SEC14L1: variants seen among roughly 807,000 people sequenced by gnomAD.
SEC14L1 encodes the protein SEC14-like protein 1.
A neutral mutation model predicts 85.3 loss-of-function variants in SEC14L1; 48 were observed. The observed-to-expected ratio is 0.56, with a 90% confidence interval of 0.45 to 0.72. SEC14L1 has a LOEUF of 0.72. SEC14L1 is among the 30% of genes least tolerant of loss of function. The probability of loss-of-function intolerance (pLI) is 0.00; values close to 1 mark genes in which losing one functional copy is unlikely to be tolerated. For synonymous variants in SEC14L1, 391 were observed against 355.5 expected, an observed-to-expected ratio of 1.10 and a Z score of -1.12; for missense variants, 682 against 921.4, an observed-to-expected ratio of 0.74 and a Z score of 3.36.
intron 3 of SEC14L1, 172 bp downstream of exon 3, chr17:77,143,831 C>A: frequency 2.2e-6 from 1 of 448,266 alleles, no homozygotes; most frequent in Non-Finnish European, 3.9e-6. Flanking sequence ...AAAATACAAG[C>A]CTCTGAAAAT....
chr17:77,133,974 C>T (rs980883493), intron 3 of SEC14L1, among the ~76,000 whole-genome samples: 2 of 146,634 alleles, frequency 1.4e-5, no homozygotes, highest in African/African-American at 2.5e-5. Context: ...AAGCGAGGGG[C>T]ACAGTCACGG....
chr17:77,118,679 T>G lies in SEC14L1; in HGVS notation c.-135-23967T>G, dbSNP rs145303814. Among the ~76,000 whole-genome samples the G allele has an allele frequency of 2.4e-3, 370 of 152,352 alleles. 2 individuals carry two copies. The highest frequency in any genetic ancestry group is 3.6e-3 in the Non-Finnish European group (244 of 68,032). ...GATCATGCTTTTTCTAAGTCAAGGTTATAATTATGCATTTCGACAGCCTCC... is the reference window on the plus strand; with the variant it reads ...GATCATGCTTTTTCTAAGTCAAGGTGATAATTATGCATTTCGACAGCCTCC... On this transcript the variant is annotated intron_variant, in intron 3 of 19. Coordinates refer to the SEC14L1 transcript ENST00000392476.
In SEC14L1 at chr17:77,214,119, T is replaced by A. The variant is rs1976920422; in HGVS notation, c.*96T>A. 1 of 1,511,754 alleles carries A rather than the reference T, an allele frequency of 6.6e-7. No homozygotes were observed. The highest frequency in any genetic ancestry group is 2.2e-5 in the Admixed American group (1 of 44,814). The allele number at this position is 1,511,754 out of a possible 1,614,324, so 93.6% of individuals were successfully genotyped here. A position where few individuals can be genotyped will look rare whatever the true frequency, so the allele number is the denominator to read the frequency against. Reference sequence around the variant, plus strand: ...CACCCAGCGGCGACATTGTACAGACTCCTCTCACCTCTAGATAGCAAATAG... The same window carrying A: ...CACCCAGCGGCGACATTGTACAGACACCTCTCACCTCTAGATAGCAAATAG... On this transcript the variant is annotated 3_prime_UTR_variant, in exon 17 of 17. Coordinates refer to ENST00000436233, the MANE Select transcript of SEC14L1 (RefSeq NM_001143998.2).
chr17:77,142,303 C>T (rs1012586232), intron 1 of SEC14L1, among the ~76,000 whole-genome samples: 1 of 152,028 alleles, frequency 6.6e-6, no homozygotes, highest in African/African-American at 2.4e-5. Context: ...TACCAGGCGC[C>T]GTGACTCATG....
intron 3 of SEC14L1, among the ~76,000 whole-genome samples, chr17:77,110,161 T>G (rs1471693979): frequency 6.6e-6 from 1 of 152,212 alleles, no homozygotes; most frequent in African/African-American, 2.4e-5. Flanking sequence ...CCTTCCTGTC[T>G]CAGAACACCA....
intron 3 of SEC14L1, among the ~76,000 whole-genome samples, chr17:77,129,888 G>C (rs1313285118): frequency 6.6e-6 from 1 of 152,148 alleles, no homozygotes; most frequent in Non-Finnish European, 1.5e-5. Flanking sequence ...ACCCGCAGCT[G>C]CACAGCCAGG....
intron 3 of SEC14L1, among the ~76,000 whole-genome samples, chr17:77,119,181 G>A (rs1015009322): frequency 6.6e-6 from 1 of 151,894 alleles, no homozygotes. Context: ...GTGGGCATGC[G>A]CCTCTAATCT....
chr17:77,108,716 C>T (rs143242029), intron 3 of SEC14L1, among the ~76,000 whole-genome samples: 1 of 146,722 alleles, frequency 6.8e-6, no homozygotes, highest in African/African-American at 2.5e-5. Context: ...TCCAGTGTGG[C>T]CGACAGAGCC....
At chr17:77,106,308 C>T (rs1268160541) in intron 3 of SEC14L1, among the ~76,000 whole-genome samples, 1 of 152,002 alleles carries the variant, frequency 6.6e-6, no homozygotes, top group African/African-American at 2.4e-5. Context: ...CTAAGGTGGG[C>T]GGATCACAAG....
chr17:77,173,176 C>T (rs1270730325), intron 3 of SEC14L1, among the ~76,000 whole-genome samples: 1 of 152,162 alleles, frequency 6.6e-6, no homozygotes, highest in Non-Finnish European at 1.5e-5. Flanking sequence ...GAGCATTTAG[C>T]CTCCTCTGAG....
chr17:77,203,515 T>A (rs1383899367), intron 9 of SEC14L1, 55 bp from the exon 10 acceptor site: 8 of 1,441,914 alleles, frequency 5.5e-6, no homozygotes, highest in Non-Finnish European at 7.8e-6. Flanking sequence ...TAGAGTTGTA[T>A]CCTCAGTTTC....
rs149220219 is a variant in SEC14L1, at chr17:77,214,451, C to G, written c.*428C>G. The G allele has an allele frequency of 3.0e-6, 3 of 1,003,708 alleles. No homozygotes were observed. The highest frequency in any genetic ancestry group is 5.3e-5 in the Admixed American group (1 of 18,844). The allele number at this position is 1,003,708 out of a possible 1,614,324, so 62.2% of individuals were successfully genotyped here. A position where few individuals can be genotyped will look rare whatever the true frequency, so the allele number is the denominator to read the frequency against. ...GGACGGAAGCTGCCAGCTCGCTTCC[C>G]CCAAGCTGCCTCATGGCCCGCACGC... On this transcript the variant is annotated 3_prime_UTR_variant, in exon 17 of 17. Coordinates refer to ENST00000436233, the MANE Select transcript of SEC14L1 (RefSeq NM_001143998.2).
rs1228989890 is a variant in SEC14L1, at chr17:77,104,804, AAAAG to A, written c.-136+11462_-136+11465del. Among the ~76,000 whole-genome samples the A allele has an allele frequency of 1.2e-3, 183 of 150,238 alleles. 1 individual carries two copies. Among genetic ancestry groups the A allele is most frequent in the African/African-American group, 4.2e-3 (168 of 40,268 alleles). On this transcript the variant is annotated intron_variant, in intron 3 of 19. Coordinates refer to the SEC14L1 transcript ENST00000392476. ...AGACTCCATTTCAAAAAAAAAAAAA[AAAAG>A]AAAGTTTTTTTTTGTGTGTGTGTGT...
chr17:77,098,130 G>A (rs1356793499), intron 3 of SEC14L1, among the ~76,000 whole-genome samples: 4 of 152,152 alleles, frequency 2.6e-5, no homozygotes, highest in South Asian at 2.1e-4. Context: ...AATAGTGTCC[G>A]TAGCTTACAT....
chr17:77,147,084 G>A (rs1046666246), intron 3 of SEC14L1, among the ~76,000 whole-genome samples: 54 of 152,350 alleles, frequency 3.5e-4, no homozygotes, highest in African/African-American at 1.1e-3. Context: ...TAGAACGCAC[G>A]GTGGCGGCAG....
intron 3 of SEC14L1, among the ~76,000 whole-genome samples, chr17:77,097,659 G>A (rs1177602569): frequency 6.6e-6 from 1 of 152,166 alleles, no homozygotes; most frequent in African/African-American, 2.4e-5. Flanking sequence ...TGACCATTCT[G>A]AAAGTGTAAT....
intron 3 of SEC14L1, among the ~76,000 whole-genome samples, chr17:77,163,356 G>C (rs1227351270): frequency 1.8e-5 from 1 of 54,190 alleles, no homozygotes; most frequent in East Asian, 5.7e-4. Context: ...TTAACTCCTT[G>C]CTGCTGAAAT....
rs1311166713 is a variant in SEC14L1 at position 77,214,090 on chromosome 17, C to T, written c.*67C>T. On this transcript the variant is annotated 3_prime_UTR_variant, in exon 17 of 17. Transcript: ENST00000436233. ...CCCTCCTCGGACAGCCAGCTGCACC[C>T]GCCCACCCAGCGGCGACATTGTACA... is the stretch of plus-strand genomic sequence containing the variant. 15 of 1,566,448 alleles carry T rather than the reference C, an allele frequency of 9.6e-6. No individual in the cohort carries two copies. The highest frequency in any genetic ancestry group is 5.5e-5 in the Admixed American group (3 of 54,402).
At chr17:77,116,392 A>G (rs914817253) in intron 3 of SEC14L1, among the ~76,000 whole-genome samples, 4 of 152,168 alleles carry the variant, frequency 2.6e-5, no homozygotes, top group African/African-American at 9.7e-5. Context: ...AAGAAGGAGA[A>G]ATTAATTCTG....
Sources: allele counts gnomAD v4.1 joint callset (sites outside exome capture counted in the v4.1 genomes callset), GRCh38; gene constraint gnomAD v4.1.1; transcripts MANE v1.5; gene names NCBI Gene and HGNC (gene_info 2026-07-23, HGNC 2026-07-21).